Variants in GPD2 observed in about 807,000 individuals in gnomAD.
GPD2 encodes glycerol-3-phosphate dehydrogenase 2.
GPD2 carries 54 observed loss-of-function variants against 82.4 expected under a neutral mutation model. That is an observed-to-expected ratio of 0.66 (90% CI 0.53 to 0.82). The LOEUF (loss-of-function observed/expected upper bound fraction) is 0.82. Among genes scored for constraint, GPD2 ranks in the 40% least tolerant of loss-of-function variants. GPD2 has a pLI of 0.00. For synonymous variants in GPD2, 288 were observed against 306.1 expected (o/e 0.94, Z 0.62); for missense variants, 748 against 896.2 (o/e 0.83, Z 2.11).
chr2:156,538,713 C>T (rs1186361486), intron 6 of GPD2, among the ~76,000 whole-genome samples: 9 of 148,718 alleles, frequency 6.1e-5, no homozygotes, highest in East Asian at 4.0e-4. Flanking sequence ...CCCAGCTACT[C>T]GGGAGGCTGA....
intron 1 of GPD2, among the ~76,000 whole-genome samples, chr2:156,440,250 T>A (rs1249257665): frequency 2.0e-5 from 3 of 152,170 alleles, no homozygotes; most frequent in African/African-American, 7.2e-5. Flanking sequence ...GAAGATATGA[T>A]CAAACTCAAC....
chr2:156,439,849 A>AAAATAAATAAATAAATAAATAAATAAAT (rs59142687), intron 1 of GPD2, among the ~76,000 whole-genome samples: 7 of 147,654 alleles, frequency 4.7e-5, no homozygotes, highest in African/African-American at 7.5e-5. Context: ...TCTGTCTCAA[A>AAAATAAATAAATAAATAAATAAATAAAT]AAATAAATAA....
chr2:156,400,767 TGG>T, the GPD2 span, among the ~76,000 whole-genome samples: 1 of 152,192 alleles, frequency 6.6e-6, no homozygotes, highest in Admixed American at 6.5e-5. Flanking sequence ...TGCTTTCGGC[TGG>T]GGGATGTAGC....
chr2:156,438,432 T>A (rs2615502), intron 1 of GPD2, among the ~76,000 whole-genome samples: 87,550 of 152,022 alleles, frequency 0.58, 25,519 homozygotes, highest in East Asian at 0.77. Context: ...GCTTGAAAAT[T>A]TGGGCAAAGA....
rs777688272 is a variant in GPD2 at position 156,571,252 on chromosome 2, T to G, written c.1727T>G (p.Leu576Arg). Residue 576 changes from leucine to arginine, a missense_variant, in exon 13 of 17, where the codon CTG (leucine) becomes CGG (arginine). Leu to Arg is a moderately radical substitution (Grantham distance 102). This residue lies in a region of GPD2 where 692 missense variants were observed against 809.7 expected (regional missense o/e 0.85). Coordinates refer to ENST00000438166, the MANE Select transcript of GPD2 (RefSeq NM_000408.5). ...AEEALPRIVE[L>R]MGRELNWDDY... ...GAAGCCCTACCCAGGATTGTTGAAC[T>G]GATGGGCAGGGAACTGAATTGGGAT... 1.1e-5 allele frequency: 17 copies of G among 1,612,668 alleles called. No individual in the cohort carries two copies. The highest frequency in any genetic ancestry group is 1.4e-5 in the Non-Finnish European group (17 of 1,178,948).
chr2:156,581,917 A>G (rs766238808), intron 16 of GPD2, among the ~76,000 whole-genome samples: 1 of 152,038 alleles, frequency 6.6e-6, no homozygotes, highest in Non-Finnish European at 1.5e-5. Flanking sequence ...GAGAATTTAC[A>G]TACATACATA....
At chr2:156,510,677 A>G (rs1172175391) in intron 3 of GPD2, 119 bp from the exon 4 acceptor site, 5 of 807,540 alleles carry the variant, frequency 6.2e-6, no homozygotes, top group Admixed American at 5.9e-5. Context: ...TTGAATACAA[A>G]TTTATCCATG....
In GPD2 at chr2:156,550,668, G is replaced by T. The variant is rs773066241; in HGVS notation, c.893G>T (p.Arg298Leu). Residue 298 changes from arginine to leucine, a missense_variant, in exon 8 of 17, where the codon CGC becomes CTC. This residue lies in a region of GPD2 where 692 missense variants were observed against 809.7 expected (regional missense o/e 0.85). Coordinates refer to ENST00000438166, the MANE Select transcript of GPD2 (RefSeq NM_000408.5). ...NATGPFTDSV[R>L]KMDDKDAAAI... is the part of the protein sequence containing the mutation. ...ACGGGACCTTTCACGGACTCTGTGCGCAAAATGGATGATAAAGACGCAGCA... is the reference window on the plus strand; with the variant it reads ...ACGGGACCTTTCACGGACTCTGTGCTCAAAATGGATGATAAAGACGCAGCA... 1 of 1,613,598 alleles carries T rather than the reference G, an allele frequency of 6.2e-7. No homozygotes were observed. The highest frequency in any genetic ancestry group is 1.7e-5 in the Admixed American group (1 of 60,024).
chr2:156,572,651 T>C (rs1158116502), intron 13 of GPD2, among the ~76,000 whole-genome samples: 1 of 152,134 alleles, frequency 6.6e-6, no homozygotes, highest in Non-Finnish European at 1.5e-5. Flanking sequence ...AGTCAGATGA[T>C]GAAAACAGTC....
At chr2:156,425,949 G>A in the GPD2 span, among the ~76,000 whole-genome samples, 1 of 143,400 alleles carries the variant, frequency 7.0e-6, no homozygotes, top group East Asian at 2.1e-4. Flanking sequence ...TTGAGACACA[G>A]TTTCACTCTG....
chr2:156,525,855 A>G (rs1294044949), intron 6 of GPD2, among the ~76,000 whole-genome samples: 2 of 152,212 alleles, frequency 1.3e-5, no homozygotes, highest in African/African-American at 2.4e-5. Context: ...TAAAAAATGT[A>G]AACAAAGACA....
At chr2:156,503,329 A>G (rs908167033) in intron 3 of GPD2, among the ~76,000 whole-genome samples, 4 of 152,160 alleles carry the variant, frequency 2.6e-5, no homozygotes, top group African/African-American at 9.7e-5. Flanking sequence ...TTAGACCTTG[A>G]ACCTAGCAAG....
intron 3 of GPD2, among the ~76,000 whole-genome samples, chr2:156,505,059 G>A (rs2105259385): frequency 6.6e-6 from 1 of 152,158 alleles, no homozygotes; most frequent in African/African-American, 2.4e-5. Flanking sequence ...TCTATTTCAT[G>A]TTGTGAAAGT....
intron 13 of GPD2, among the ~76,000 whole-genome samples, chr2:156,573,267 A>G (rs1327389407): frequency 6.6e-6 from 1 of 152,208 alleles, no homozygotes; most frequent in African/African-American, 2.4e-5. Context: ...GTTTATATCA[A>G]CAGTCAATTG....
intron 2 of GPD2, among the ~76,000 whole-genome samples, chr2:156,478,221 T>C (rs879800863): frequency 4.6e-5 from 7 of 152,208 alleles, no homozygotes; most frequent in African/African-American, 7.2e-5. Context: ...AATAAAGACC[T>C]ATTGATTCCT....
At chr2:156,572,369 G>C (rs2105368436) in intron 13 of GPD2, among the ~76,000 whole-genome samples, 1 of 151,372 alleles carries the variant, frequency 6.6e-6, no homozygotes, top group East Asian at 1.9e-4. Flanking sequence ...ACAAACACTT[G>C]TGTTGAAGTG....
At chr2:156,526,670 A>T (rs1685621190) in intron 6 of GPD2, among the ~76,000 whole-genome samples, 1 of 152,166 alleles carries the variant, frequency 6.6e-6, no homozygotes, top group African/African-American at 2.4e-5. Flanking sequence ...ACACATGCCC[A>T]AGAAATGTAA....
chr2:156,583,132 AT>A lies in GPD2; in HGVS notation c.*221del, dbSNP rs550730379. 87 of 554,116 alleles carry A rather than the reference AT, an allele frequency of 1.6e-4. No individual in the cohort carries two copies. Among genetic ancestry groups the A allele is most frequent in the South Asian group, 4.3e-4 (21 of 48,534 alleles). The allele number at this position is 554,116 out of a possible 1,614,324, so 34.3% of individuals were successfully genotyped here. On this transcript the variant is annotated 3_prime_UTR_variant, in exon 17 of 17. Transcript: ENST00000438166. The stretch of plus-strand genomic sequence containing the variant: ...GCCATTCAGTCTAGCTTTTAAGTAT[AT>A]TTTTTTCTTTTTCTCATTTTCAATG...
intron 6 of GPD2, among the ~76,000 whole-genome samples, chr2:156,538,100 G>C (rs1686150358): frequency 6.6e-6 from 1 of 152,196 alleles, no homozygotes; most frequent in African/African-American, 2.4e-5. Flanking sequence ...TTATGTGAGA[G>C]ACATCAGATA....
Sources: gnomAD v4.1 joint callset for allele counts (sites outside exome capture counted in the v4.1 genomes callset) on GRCh38, gnomAD v4.1.1 for gene constraint, gnomAD v4.1.1 regional missense constraint, MANE v1.5 for transcripts, NCBI Gene and HGNC (gene_info 2026-07-23, HGNC 2026-07-21) for gene names.